The following TRIML2 variants were observed in gnomAD, a reference collection of about 807,000 sequenced individuals.
The protein encoded by TRIML2 is probable E3 ubiquitin-protein ligase TRIML2.
A neutral mutation model predicts 31.2 loss-of-function variants in TRIML2; 28 were observed. That is an observed-to-expected ratio of 0.90 (90% CI 0.66 to 1.23). The LOEUF is 1.23. TRIML2 is among the 50% of genes most tolerant of loss of function. The pLI, the probability that TRIML2 is intolerant of heterozygous loss-of-function variation, is 0.00. For synonymous variants in TRIML2, 187 were observed against 197.5 expected, an observed-to-expected ratio of 0.95 and a Z score of 0.45; for missense variants, 536 against 528.3, an observed-to-expected ratio of 1.01 and a Z score of -0.14.
intron 3 of TRIML2, among the ~76,000 whole-genome samples, chr4:188,103,999 G>T (rs1360803028): frequency 6.6e-6 from 1 of 152,140 alleles, no homozygotes; most frequent in Admixed American, 6.6e-5. Context: ...CACAGAATAG[G>T]ATTAAGTATG....
chr4:188,105,110 G>C (rs571936655), intron 2 of TRIML2, 70 bp downstream of exon 2: 1 of 1,532,324 alleles, frequency 6.5e-7, no homozygotes, highest in Non-Finnish European at 8.9e-7. Context: ...TGGAGGACCA[G>C]AATGTCTGTC....
rs147971195 is a variant in TRIML2 at position 188,091,707 on chromosome 4, G to C, written c.980C>G (p.Ala327Gly). ...QVGIYHGSADAKGSTARASGE... is the reference protein window; with the variant it reads ...QVGIYHGSADGKGSTARASGE... Reference sequence around the variant, plus strand: ...GGAAGCTCTGGCCGTGCTGCCCTTCGCGTCTGCAGAGCCGTGGTATATGCC... The same window carrying C: ...GGAAGCTCTGGCCGTGCTGCCCTTCCCGTCTGCAGAGCCGTGGTATATGCC... Residue 327 changes from alanine to glycine, a missense_variant, in exon 8 of 8, where the codon GCG becomes GGG. Ala to Gly is a moderately conservative substitution (Grantham distance 60, BLOSUM62 0). Transcript: ENST00000682553. 2 of 1,613,348 alleles carry C rather than the reference G, an allele frequency of 1.2e-6. No homozygotes were observed. Among genetic ancestry groups the C allele is most frequent in the Admixed American group, 1.7e-5 (1 of 59,964 alleles).
At chr4:188,105,947 G>C (rs1408857792) in intron 1 of TRIML2, 1 of 152,344 alleles carries the variant, frequency 6.6e-6, no homozygotes, top group Non-Finnish European at 1.5e-5. Flanking sequence ...GAACTCCCAG[G>C]CTCCAGCGAT....
intron 1 of TRIML2, among the ~76,000 whole-genome samples, chr4:188,108,203 C>G (rs765388776): frequency 6.6e-6 from 1 of 152,118 alleles, no homozygotes; most frequent in Non-Finnish European, 1.5e-5. Flanking sequence ...GTCTCCCAGT[C>G]CTGGTCTCTC....
At chr4:188,094,351 T>C (rs1481956023) in intron 7 of TRIML2, among the ~76,000 whole-genome samples, 2 of 152,220 alleles carry the variant, frequency 1.3e-5, no homozygotes, top group Non-Finnish European at 2.9e-5. Context: ...ACTCATATAC[T>C]GCATGACTTT....
chr4:188,104,739 G>A, intron 3 of TRIML2, 98 bp downstream of exon 3: 3 of 1,015,378 alleles, frequency 3.0e-6, no homozygotes, highest in Non-Finnish European at 4.6e-6. Flanking sequence ...CATTTTTCCT[G>A]CTTTGTGATT....
Position 188,105,094 on chromosome 4 carries a change from T to C in TRIML2, c.189+86A>G, listed in dbSNP as rs1055249731. On this transcript the variant is annotated intron_variant, in intron 2 of 7. Coordinates refer to ENST00000682553, the MANE Select transcript of TRIML2 (RefSeq NM_173553.4). ...CTGTAATAAACATCAACTAAGGTAA[T>C]GGTTTTGGAGGACCAGAATGTCTGT... is the stretch of plus-strand genomic sequence containing the variant. 4 of 1,489,732 alleles carry C rather than the reference T, an allele frequency of 2.7e-6. No homozygotes were observed. The African/African-American group carries it at 5.6e-5, about 21-fold the overall frequency. The allele number at this position is 1,489,732 out of a possible 1,614,324, so 92.3% of individuals were successfully genotyped here. A position where few individuals can be genotyped will look rare whatever the true frequency, so the allele number is the denominator to read the frequency against.
chr4:188,091,332 C>G lies in TRIML2; in HGVS notation c.*41G>C. The G allele has an allele frequency of 6.4e-7, 1 of 1,563,946 alleles. No homozygotes were observed. Among genetic ancestry groups the G allele is most frequent in the Non-Finnish European group, 8.7e-7 (1 of 1,150,334 alleles). On this transcript the variant is annotated 3_prime_UTR_variant, in exon 8 of 8. Transcript: ENST00000682553. ...ATTCTTTCAAAGTCTTGTTCTCCAA[C>G]TTTCTGGTGTCTCGTGGTCTTGGAT... is the stretch of plus-strand genomic sequence containing the variant.
chr4:188,105,395 T>C lies in TRIML2; in HGVS notation c.-27A>G. 6.6e-7 allele frequency: 1 copy of C among 1,515,282 alleles called. No individual in the cohort carries two copies. The highest frequency in any genetic ancestry group is 8.9e-7 in the Non-Finnish European group (1 of 1,122,516). The allele number at this position is 1,515,282 out of a possible 1,614,324, so 93.9% of individuals were successfully genotyped here. On this transcript the variant is annotated 5_prime_UTR_variant, in exon 2 of 8. Transcript: ENST00000682553. ...CTGGTAGGGGTCCCTAGTTGAAGAC[T>C]GGACTGTATGCTTCTACTGAGGTAT... is the stretch of plus-strand genomic sequence containing the variant.
chr4:188,098,084 T>A (rs1051218976), intron 5 of TRIML2: 1 of 235,054 alleles, frequency 4.3e-6, no homozygotes, highest in Non-Finnish European at 8.6e-6. Context: ...ATTGCGCCAC[T>A]GCTCCAGCCT....
rs1733653404 is a variant in TRIML2 at position 188,099,080 on chromosome 4, C to T, written c.576G>A (p.Val192=). The part of the protein sequence containing the change: ...EQVRSLLKLI[V]ELEKKCGEGT... ...CTTCCCCACACTTTTTCTCAAGCTC[C>T]ACGATGAGCTTTAGGAGGCTGCGGA... is the stretch of plus-strand genomic sequence containing the variant. The change falls in exon 5 of 8, where the codon GTG becomes GTA. Residue 192 remains valine (V), a synonymous_variant. Coordinates refer to ENST00000682553, the MANE Select transcript of TRIML2 (RefSeq NM_173553.4). The T allele has an allele frequency of 1.2e-6, 2 of 1,614,100 alleles. No individual in the cohort carries two copies. The highest frequency in any genetic ancestry group is 1.7e-6 in the Non-Finnish European group (2 of 1,180,024).
chr4:188,098,799 A>C (rs1348476305), intron 5 of TRIML2: 1 of 491,472 alleles, frequency 2.0e-6, no homozygotes, highest in Non-Finnish European at 3.6e-6. Flanking sequence ...CTCAACCCTA[A>C]CTTACTGCTG....
intron 4 of TRIML2, among the ~76,000 whole-genome samples, chr4:188,100,018 A>G (rs888529026): frequency 3.3e-5 from 5 of 152,148 alleles, no homozygotes; most frequent in African/African-American, 1.2e-4. Context: ...AGTTTATTAT[A>G]TTTGATTACT....
At position 188,093,873 on chromosome 4, in the gene TRIML2, G is replaced by A. The variant is rs141062692; in HGVS notation, c.746-1932C>T. Among the ~76,000 whole-genome samples the A allele has an allele frequency of 5.9e-3, 889 of 151,932 alleles. 11 individuals carry two copies. The highest frequency in any genetic ancestry group is 0.034 in the Middle Eastern group (10 of 294). On this transcript the variant is annotated intron_variant, in intron 7 of 7. Coordinates refer to ENST00000682553, the MANE Select transcript of TRIML2 (RefSeq NM_173553.4). The stretch of plus-strand genomic sequence containing the variant: ...TAATCCCAGCACTTTGGGAACCTGA[G>A]GCAGGCAGATCACGAGGTTGGGAGT...
chr4:188,095,493 AC>A (rs1259011476), intron 7 of TRIML2, among the ~76,000 whole-genome samples: 1 of 152,252 alleles, frequency 6.6e-6, no homozygotes, highest in African/African-American at 2.4e-5. Context: ...TAGAGGGAAA[AC>A]AAACACATGA....
intron 3 of TRIML2, among the ~76,000 whole-genome samples, 182 bp downstream of exon 3, chr4:188,104,655 A>C (rs994427287): frequency 1.3e-5 from 2 of 152,080 alleles, no homozygotes; most frequent in Non-Finnish European, 2.9e-5. Flanking sequence ...GAGCCACCAC[A>C]CCCAGCTTCT....
chr4:188,102,896 C>T (rs1277799648), intron 3 of TRIML2, among the ~76,000 whole-genome samples: 2 of 151,040 alleles, frequency 1.3e-5, no homozygotes, highest in Admixed American at 1.3e-4. Flanking sequence ...TTATCAAGAA[C>T]CTGACTACTT....
intron 5 of TRIML2, 83 bp downstream of exon 5, chr4:188,098,952 A>T (rs546241695): frequency 1.4e-6 from 2 of 1,481,332 alleles, no homozygotes; most frequent in South Asian, 2.5e-5. Context: ...TTGTGTTCTG[A>T]CAGCAACCCC....
Position 188,091,470 on chromosome 4 carries a change from G to C in TRIML2, c.1217C>G (p.Pro406Arg). The C allele has an allele frequency of 1.9e-6, 3 of 1,614,180 alleles. No homozygotes were observed. Among genetic ancestry groups the C allele is most frequent in the South Asian group, 2.2e-5 (2 of 91,080 alleles). Residue 406 changes from proline to arginine, a missense_variant, in exon 8 of 8, where the codon CCT becomes CGT. Transcript: ENST00000682553. ...ATTTGGGATACAGAGGGAAAACACA[G>C]GCCTGAGAGCTCCTTGGAAGGCGCA... ...SHCAFQGALR[P>R]VFSLCIPNGD...
Sources: allele counts gnomAD v4.1 joint callset (sites outside exome capture counted in the v4.1 genomes callset), GRCh38; gene constraint gnomAD v4.1.1; transcripts MANE v1.5; gene names NCBI Gene and HGNC (gene_info 2026-07-23, HGNC 2026-07-21).